SPAG16: variants seen among roughly 807,000 people sequenced by gnomAD.
SPAG16 encodes the protein sperm associated antigen 16.
A neutral mutation model predicts 80.4 loss-of-function variants in SPAG16; 86 were observed. The ratio of observed to expected loss-of-function variants is 1.07; its 90% confidence interval spans 0.90 to 1.28. The LOEUF (loss-of-function observed/expected upper bound fraction) is 1.28, where lower values mean the gene tolerates loss of function less well. Among genes scored for constraint, SPAG16 ranks in the 50% most tolerant of loss-of-function variants. The probability of loss-of-function intolerance (pLI) is 0.00; values close to 1 mark genes in which losing one functional copy is unlikely to be tolerated. For synonymous variants in SPAG16, 294 were observed against 265.9 expected, an observed-to-expected ratio of 1.11 and a Z score of -1.03; for missense variants, 870 against 765.3, an observed-to-expected ratio of 1.14 and a Z score of -1.61.
chr2:213,647,184 T>G (rs769447053), intron 10 of SPAG16, among the ~76,000 whole-genome samples: 53 of 152,154 alleles, frequency 3.5e-4, no homozygotes, highest in Admixed American at 5.2e-4. Context: ...TTGTATTGTG[T>G]GGTGGGCCCT....
intron 9 of SPAG16, among the ~76,000 whole-genome samples, chr2:213,418,254 TACAC>T: frequency 6.6e-6 from 1 of 151,960 alleles, no homozygotes; most frequent in Non-Finnish European, 1.5e-5. Flanking sequence ...TATATCCATC[TACAC>T]ACACACACAT....
chr2:213,957,358 A>ATATTGAAACTT (rs2044200035), intron 12 of SPAG16, among the ~76,000 whole-genome samples: 1 of 152,098 alleles, frequency 6.6e-6, no homozygotes. Flanking sequence ...ACTTTTACTA[A>ATATTGAAACTT]TATATGGGGA....
chr2:213,346,853 G>T (rs1426488404), intron 6 of SPAG16, among the ~76,000 whole-genome samples: 20 of 125,984 alleles, frequency 1.6e-4, no homozygotes, highest in African/African-American at 5.7e-4. Flanking sequence ...TTTTTTTTTT[G>T]TTGTGTCTCT....
intron 15 of SPAG16, among the ~76,000 whole-genome samples, chr2:214,365,623 A>T (rs540651928): frequency 6.6e-6 from 1 of 152,128 alleles, no homozygotes; most frequent in Non-Finnish European, 1.5e-5. Context: ...TAAAATTTTG[A>T]TTTTTCACAG....
At chr2:213,911,388 C>T (rs139676713) in intron 11 of SPAG16, among the ~76,000 whole-genome samples, 1 of 152,096 alleles carries the variant, frequency 6.6e-6, no homozygotes, top group East Asian at 1.9e-4. Flanking sequence ...CAAGCAATCT[C>T]CCTGCCTTGG....
intron 11 of SPAG16, among the ~76,000 whole-genome samples, chr2:213,872,698 C>T (rs1325103459): frequency 1.3e-5 from 2 of 151,954 alleles, no homozygotes; most frequent in South Asian, 2.1e-4. Flanking sequence ...AGTCTTTCAC[C>T]GTTAAGTATG....
At chr2:213,363,820 G>C (rs2066129589) in intron 7 of SPAG16, among the ~76,000 whole-genome samples, 1 of 151,876 alleles carries the variant, frequency 6.6e-6, no homozygotes, top group Non-Finnish European at 1.5e-5. Flanking sequence ...TCTTAATTCA[G>C]GAAACTATGC....
At chr2:213,776,274 C>T (rs1206276618) in intron 10 of SPAG16, among the ~76,000 whole-genome samples, 1 of 152,174 alleles carries the variant, frequency 6.6e-6, no homozygotes, top group Non-Finnish European at 1.5e-5. Flanking sequence ...GGCTTCTGTT[C>T]ATGGGAGATG....
At chr2:213,431,045 C>T (rs531397260) in intron 9 of SPAG16, among the ~76,000 whole-genome samples, 2 of 152,088 alleles carry the variant, frequency 1.3e-5, no homozygotes, top group Non-Finnish European at 2.9e-5. Context: ...TTATCACCAG[C>T]TCTACTAGAA....
At chr2:214,306,696 G>A (rs540411195) in intron 15 of SPAG16, among the ~76,000 whole-genome samples, 1 of 152,146 alleles carries the variant, frequency 6.6e-6, no homozygotes, top group African/African-American at 2.4e-5. Context: ...TGTGTGTGTT[G>A]AACTTGCATG....
At chr2:214,369,415 G>C (rs1218679027) in intron 15 of SPAG16, among the ~76,000 whole-genome samples, 1 of 151,986 alleles carries the variant, frequency 6.6e-6, no homozygotes, top group African/African-American at 2.4e-5. Context: ...CATATTATAG[G>C]AGGTTATAAA....
At chr2:214,096,689 C>G (rs913910104) in intron 13 of SPAG16, among the ~76,000 whole-genome samples, 1 of 151,836 alleles carries the variant, frequency 6.6e-6, no homozygotes, top group African/African-American at 2.4e-5. Context: ...AAAGCAGATC[C>G]GCAGTAAAAA....
chr2:213,578,253 T>C (rs991408479), intron 10 of SPAG16, among the ~76,000 whole-genome samples: 2 of 152,112 alleles, frequency 1.3e-5, no homozygotes, highest in Non-Finnish European at 2.9e-5. Context: ...GATCTTGATA[T>C]AATTTCAATA....
At chr2:214,409,475 G>C (rs1383674650) in intron 15 of SPAG16, among the ~76,000 whole-genome samples, 1 of 151,936 alleles carries the variant, frequency 6.6e-6, no homozygotes, top group Non-Finnish European at 1.5e-5. Context: ...AAAAATATAT[G>C]ATACAAAAAT....
At chr2:214,031,463 G>C (rs1404310450) in intron 13 of SPAG16, among the ~76,000 whole-genome samples, 1 of 82,952 alleles carries the variant, frequency 1.2e-5, no homozygotes, top group East Asian at 4.6e-4. Context: ...GGGGAGGGGG[G>C]AGGGATAGCA....
intron 10 of SPAG16, among the ~76,000 whole-genome samples, chr2:213,657,939 A>C: frequency 6.6e-6 from 1 of 152,284 alleles, no homozygotes; most frequent in Admixed American, 6.5e-5. Flanking sequence ...TTTCAAATGC[A>C]GTCTACTATG....
At chr2:213,602,982 A>C (rs2061121914) in intron 10 of SPAG16, among the ~76,000 whole-genome samples, 1 of 152,210 alleles carries the variant, frequency 6.6e-6, no homozygotes, top group African/African-American at 2.4e-5. Flanking sequence ...AATTGGTGCT[A>C]GTTGGTTCAG....
intron 9 of SPAG16, among the ~76,000 whole-genome samples, chr2:213,404,757 A>G (rs1165744033): frequency 2.6e-5 from 4 of 152,180 alleles, no homozygotes; most frequent in Admixed American, 2.6e-4. Flanking sequence ...CTCTTTCTAT[A>G]TGTTAAATCT....
chr2:214,394,538 A>C (rs1416541843), intron 15 of SPAG16, among the ~76,000 whole-genome samples: 1 of 152,192 alleles, frequency 6.6e-6, no homozygotes. Context: ...ACTAAAAATT[A>C]GCTATTAAAC....
Sources: gnomAD v4.1 joint callset for allele counts (sites outside exome capture counted in the v4.1 genomes callset) on GRCh38, gnomAD v4.1.1 for gene constraint, MANE v1.5 for transcripts, NCBI Gene and HGNC (gene_info 2026-07-23, HGNC 2026-07-21) for gene names.